Variants in PIEZO2 observed in about 807,000 individuals in gnomAD.
PIEZO2 encodes piezo-type mechanosensitive ion channel component 2.
Under a neutral mutation model 337.3 loss-of-function variants are expected in PIEZO2, and 172 were observed. That is an observed-to-expected ratio of 0.51 (90% CI 0.45 to 0.58). PIEZO2 has a LOEUF of 0.58. Among genes scored for constraint, PIEZO2 ranks in the 20% least tolerant of loss-of-function variants. The probability of loss-of-function intolerance (pLI) is 0.00; values close to 1 mark genes in which losing one functional copy is unlikely to be tolerated. For missense variants in PIEZO2, 3,028 were observed against 3,391.3 expected (o/e 0.89, Z 2.66); for synonymous variants, 1,251 against 1,228.5 (o/e 1.02, Z -0.38).
chr18:11,137,050 T>C lies in PIEZO2; in HGVS notation c.64+11475A>G, dbSNP rs559634124. Among the ~76,000 whole-genome samples the C allele has an allele frequency of 2.6e-5, 4 of 152,216 alleles. No individual in the cohort carries two copies. The South Asian group carries it at 8.3e-4, about 32-fold the overall frequency. On this transcript the variant is annotated intron_variant, in intron 1 of 55. Coordinates refer to ENST00000674853, the MANE Select transcript of PIEZO2 (RefSeq NM_001378183.1). ...TGCAGATACAGAAAGCCAATTCGAA[T>C]CTAAACATGCTCACACATCTTGTTC...
chr18:10,896,215 G>C (rs2042897827), intron 4 of PIEZO2, among the ~76,000 whole-genome samples: 1 of 152,164 alleles, frequency 6.6e-6, no homozygotes, highest in Non-Finnish European at 1.5e-5. Flanking sequence ...TAGTGAATGA[G>C]TCAAACAGAG....
chr18:10,771,925 G>C (rs2038616552), intron 20 of PIEZO2, among the ~76,000 whole-genome samples: 2 of 152,156 alleles, frequency 1.3e-5, no homozygotes, highest in Admixed American at 6.5e-5. Context: ...GCAGTGCTGT[G>C]TTCAAGTCAC....
rs1480171301 is a variant in PIEZO2, at chr18:11,078,710, T to A, written c.65-12488A>T. Among the ~76,000 whole-genome samples the A allele has an allele frequency of 1.3e-5, 2 of 152,208 alleles. No individual in the cohort carries two copies. Among genetic ancestry groups the A allele is most frequent in the Non-Finnish European group, 2.9e-5 (2 of 68,034 alleles). On this transcript the variant is annotated intron_variant, in intron 1 of 55. Coordinates refer to ENST00000674853, the MANE Select transcript of PIEZO2 (RefSeq NM_001378183.1). This position sits in a 1 kb window ranked among gnomAD's most constrained non-coding sequence, Gnocchi z 5.3. The stretch of plus-strand genomic sequence containing the variant: ...ACACATGCGGCCTCTGACCACAGTG[T>A]GAAAACCTCGCTCCCAGAGCAACAT...
chr18:10,756,973 A>T (rs958103227), intron 27 of PIEZO2, among the ~76,000 whole-genome samples: 8 of 149,656 alleles, frequency 5.3e-5, no homozygotes, highest in Non-Finnish European at 1.0e-4. Flanking sequence ...AATGAAGATG[A>T]GCTATGGAGA....
At chr18:10,704,199 T>C (rs184052890) in intron 42 of PIEZO2, 195 bp downstream of exon 42, 26 of 721,682 alleles carry the variant, frequency 3.6e-5, no homozygotes, top group Admixed American at 3.0e-4. Context: ...AAAAGATTTT[T>C]AGAATTGCGA....
intron 36 of PIEZO2, among the ~76,000 whole-genome samples, chr18:10,722,199 G>A (rs1412380777): frequency 6.7e-6 from 1 of 150,162 alleles, no homozygotes; most frequent in Non-Finnish European, 1.5e-5. Context: ...AGAAAATCTG[G>A]GAAACATCTG....
rs2037518661 is a variant in PIEZO2, at chr18:11,051,308, ATAAT to A, written c.160+14815_160+14818del. Among the ~76,000 whole-genome samples the A allele has an allele frequency of 5.3e-5, 8 of 151,638 alleles. No homozygotes were observed. The South Asian group carries it at 1.7e-3, about 32-fold the overall frequency. On this transcript the variant is annotated intron_variant, in intron 2 of 55. Transcript: ENST00000674853. ...TAAGACGACAACTTTGTTCTTAGAAATAATTAACACACCTTAGACAGCAACCATC... is the reference window on the plus strand; with the variant it reads ...TAAGACGACAACTTTGTTCTTAGAAATAACACACCTTAGACAGCAACCATC...
intron 36 of PIEZO2, chr18:10,725,170 C>G: frequency 6.7e-7 from 1 of 1,500,984 alleles, no homozygotes; most frequent in Non-Finnish European, 9.3e-7. Context: ...GGCCTCTGGA[C>G]AGTTCATCCA....
intron 36 of PIEZO2, chr18:10,725,250 C>T (rs2036485498): frequency 3.8e-6 from 6 of 1,563,312 alleles, no homozygotes; most frequent in East Asian, 2.2e-5. Flanking sequence ...AGGCTGCCAC[C>T]GGCAGGCAGC....
chr18:10,701,073 G>A (rs1331505550), intron 43 of PIEZO2, among the ~76,000 whole-genome samples: 1 of 152,218 alleles, frequency 6.6e-6, no homozygotes, highest in Non-Finnish European at 1.5e-5. Context: ...GTATATGTAC[G>A]TGTATGTATT....
rs7227022 is a variant in PIEZO2, at chr18:10,705,746, G to A, written c.5589C>T (p.Ser1863=). The part of the protein sequence containing the change: ...SSADSGSLAS[S]EPTQCTMLYS... ...ACAGCATGGTACACTGCGTGGGCTC[G>A]CTGTTGGGAGAAAGCGTGGGCACAG... Residue 1863 remains serine (S), a splice_region_variant and synonymous_variant, in exon 41 of 56, where the codon AGC becomes AGT. Coordinates refer to ENST00000674853, the MANE Select transcript of PIEZO2 (RefSeq NM_001378183.1). The A allele has an allele frequency of 0.28, 419,659 of 1,515,782 alleles. 59,509 individuals are homozygous for A. Among genetic ancestry groups the A allele is most frequent in the East Asian group, 0.43 (17,596 of 40,608 alleles). 93.9% of individuals were successfully genotyped at this position (1,515,782 alleles called of 1,614,324 possible).
intron 49 of PIEZO2, among the ~76,000 whole-genome samples, chr18:10,689,029 A>T (rs2034677857): frequency 6.6e-6 from 1 of 152,196 alleles, no homozygotes; most frequent in Non-Finnish European, 1.5e-5. Context: ...AATCATACAG[A>T]GGAGCCTTTT....
chr18:10,894,071 A>G lies in PIEZO2; in HGVS notation c.329+17115T>C, dbSNP rs1306319904. Among the ~76,000 whole-genome samples, 2 of 152,210 alleles carry G rather than the reference A, an allele frequency of 1.3e-5. No homozygotes were observed. The highest frequency in any genetic ancestry group is 4.8e-5 in the African/African-American group (2 of 41,458). On this transcript the variant is annotated intron_variant, in intron 4 of 55. Transcript: ENST00000674853. The surrounding 1 kb of genome is among the most constrained non-coding windows in gnomAD (Gnocchi z 4.1). Reference sequence around the variant, plus strand: ...AGCAGCAAGGAAAGGCCGTCTCCGTATAGATAGAAAGACACCCGAAACTGG... The same window carrying G: ...AGCAGCAAGGAAAGGCCGTCTCCGTGTAGATAGAAAGACACCCGAAACTGG...
chr18:10,699,289 GATGAT>G, intron 43 of PIEZO2, 112 bp from the exon 44 acceptor site: 1 of 1,409,836 alleles, frequency 7.1e-7, no homozygotes, highest in Non-Finnish European at 9.5e-7. Flanking sequence ...AGAAAAGCAA[GATGAT>G]ATGGTTTGGC....
At position 10,682,380 on chromosome 18, in the gene PIEZO2, C is replaced by T. The variant is rs2034304981; in HGVS notation, c.7498-88G>A. ...GATTGGGGGAGAGCGAGTGCTCTTCCTGTGGTGCTGGGAACATGGATTTGG... is the reference window on the plus strand; with the variant it reads ...GATTGGGGGAGAGCGAGTGCTCTTCTTGTGGTGCTGGGAACATGGATTTGG... On this transcript the variant is annotated intron_variant, in intron 49 of 55. Coordinates refer to ENST00000674853, the MANE Select transcript of PIEZO2 (RefSeq NM_001378183.1). The surrounding 1 kb of genome is among the most constrained non-coding windows in gnomAD (Gnocchi z 5.6). 2.5e-6 allele frequency: 3 copies of T among 1,182,506 alleles called. No homozygotes were observed. The highest frequency in any genetic ancestry group is 3.0e-5 in the South Asian group (2 of 66,408). The allele number at this position is 1,182,506 out of a possible 1,614,324, so 73.3% of individuals were successfully genotyped here.
intron 27 of PIEZO2, 23 bp downstream of exon 27, chr18:10,757,946 A>C: frequency 6.6e-7 from 1 of 1,522,652 alleles, no homozygotes; most frequent in Non-Finnish European, 8.8e-7. Flanking sequence ...AGTGGCTTTT[A>C]GCAAATGTGA....
chr18:11,024,577 A>T (rs1459915397), intron 2 of PIEZO2, among the ~76,000 whole-genome samples: 2 of 151,542 alleles, frequency 1.3e-5, no homozygotes, highest in Non-Finnish European at 2.9e-5. Context: ...AAAAGAAAGT[A>T]AAAAGGAAAG....
intron 9 of PIEZO2, 114 bp downstream of exon 9, chr18:10,803,761 C>T: frequency 7.5e-7 from 1 of 1,336,844 alleles, no homozygotes; most frequent in South Asian, 1.7e-5. Flanking sequence ...TTTCTATAAA[C>T]TACAAGCAAC....
intron 3 of PIEZO2, among the ~76,000 whole-genome samples, chr18:10,956,959 A>C (rs2033554143): frequency 7.0e-6 from 1 of 141,934 alleles, no homozygotes. Context: ...ACAAGAGCAA[A>C]ACTCCATCTC....
Sources: gnomAD v4.1 joint callset for allele counts (sites outside exome capture counted in the v4.1 genomes callset) on GRCh38, gnomAD v4.1.1 for gene constraint, Gnocchi (gnomAD v3.1) non-coding constraint, MANE v1.5 for transcripts, NCBI Gene and HGNC (gene_info 2026-07-23, HGNC 2026-07-21) for gene names.